IKBIP: variants seen among roughly 807,000 people sequenced by gnomAD.
The protein encoded by IKBIP is IKBKB interacting protein.
Under a neutral mutation model 31.0 loss-of-function variants are expected in IKBIP, and 28 were observed. That is an observed-to-expected ratio of 0.90 (90% CI 0.67 to 1.24). The LOEUF is 1.24. Among genes scored for constraint, IKBIP ranks in the 50% most tolerant of loss-of-function variants. IKBIP has a pLI of 0.00. For missense variants in IKBIP, 453 were observed against 441.9 expected (o/e 1.03, Z -0.23); for synonymous variants, 164 against 160.3 (o/e 1.02, Z -0.17).
intron 2 of IKBIP, among the ~76,000 whole-genome samples, chr12:98,616,048 GTT>G (rs879763091): frequency 2.1e-5 from 3 of 144,110 alleles, no homozygotes; most frequent in African/African-American, 7.6e-5. Context: ...ATTATTCTTA[GTT>G]TTTTTTTTTT....
Position 98,618,359 on chromosome 12 carries a change from G to A in IKBIP, c.298-4019C>T, listed in dbSNP as rs144955193. Among the ~76,000 whole-genome samples, 865 of 152,088 alleles carry A rather than the reference G, an allele frequency of 5.7e-3. 10 individuals are homozygous for A. The highest frequency in any genetic ancestry group is 0.02 in the African/African-American group (830 of 41,502). ...GAAAAAATTGAGGCCAGGCGCGGTG[G>A]CTCACGCCTGTAATCCCAGCACTTT... On this transcript the variant is annotated intron_variant, in intron 2 of 2. Transcript: ENST00000342502.
intron 1 of IKBIP, among the ~76,000 whole-genome samples, chr12:98,637,737 G>A (rs1593000122): frequency 6.7e-6 from 1 of 149,676 alleles, no homozygotes; most frequent in East Asian, 2.0e-4. Flanking sequence ...TTGAGACAGG[G>A]TCTCGCTCTG....
At chr12:98,616,359 T>C (rs2097606301) in intron 2 of IKBIP, among the ~76,000 whole-genome samples, 1 of 152,166 alleles carries the variant, frequency 6.6e-6, no homozygotes, top group African/African-American at 2.4e-5. Context: ...GCTATTGAGT[T>C]GAGTTCCTTA....
rs772934813 is a variant in IKBIP, at chr12:98,625,241, ATACT to A, written c.*685_*688del. ...CCTAAGAAAGGCCTTATGTAAGAAC[ATACT>A]TACTCTGATTTTAAAAGTCTTACAA... is the stretch of plus-strand genomic sequence containing the variant. On this transcript the variant is annotated 3_prime_UTR_variant, in exon 3 of 3. Transcript: ENST00000299157. The A allele has an allele frequency of 6.3e-5, 62 of 977,666 alleles. No homozygotes were observed. The highest frequency in any genetic ancestry group is 7.4e-5 in the Non-Finnish European group (61 of 822,922). The allele number at this position is 977,666 out of a possible 1,614,324, so 60.6% of individuals were successfully genotyped here. A position where few individuals can be genotyped will look rare whatever the true frequency, so the allele number is the denominator to read the frequency against.
chr12:98,643,076 C>T (rs1442175603), intron 1 of IKBIP, among the ~76,000 whole-genome samples: 1 of 152,086 alleles, frequency 6.6e-6, no homozygotes, highest in African/African-American at 2.4e-5. Flanking sequence ...CCTCAGCCTC[C>T]TGAATAGCTG....
chr12:98,644,533 CCAGGCACGTCCCCAGCGACAGCAGGCT>C lies in IKBIP; in HGVS notation c.142_168del (p.Ser48_Leu56del). The C allele has an allele frequency of 6.2e-7, 1 of 1,601,454 alleles. No homozygotes were observed. The highest frequency in any genetic ancestry group is 8.5e-7 in the Non-Finnish European group (1 of 1,175,014). On this transcript the variant is annotated inframe_deletion, in exon 1 of 3. Transcript: ENST00000299157. ...CTCGCGTCCACTTACCAGGCCAGGCCCAGGCACGTCCCCAGCGACAGCAGGCTCAGGCACGTTCGGGGGTCTGCCCAG... is the reference window on the plus strand; with the variant it reads ...CTCGCGTCCACTTACCAGGCCAGGCCCAGGCACGTTCGGGGGTCTGCCCAG...
chr12:98,626,510 G>C lies in IKBIP; in HGVS notation c.554C>G (p.Thr185Ser). The change falls in exon 3 of 3, where the codon ACT becomes AGT. Residue 185 changes from threonine (T) to serine (S), a missense_variant. Thr to Ser is a moderately conservative substitution (Grantham distance 58). Coordinates refer to ENST00000299157, the MANE Select transcript of IKBIP (RefSeq NM_153687.4). ...SEAKHIHSQV[T>S]VQINSAEQEI... Reference sequence around the variant, plus strand: ...CTGCTCAGCTGAGTTAATTTGGACAGTTACTTGAGAATGTATATGTTTTGC... The same window carrying C: ...CTGCTCAGCTGAGTTAATTTGGACACTTACTTGAGAATGTATATGTTTTGC... The C allele has an allele frequency of 6.2e-7, 1 of 1,613,506 alleles. No individual in the cohort carries two copies. The highest frequency in any genetic ancestry group is 8.5e-7 in the Non-Finnish European group (1 of 1,179,990).
At position 98,625,951 on chromosome 12, in the gene IKBIP, T is replaced by C. The variant is rs916833087; in HGVS notation, c.1113A>G (p.Lys371=). The C allele has an allele frequency of 2.2e-5, 31 of 1,395,612 alleles. No homozygotes were observed. Among genetic ancestry groups the C allele is most frequent in the Non-Finnish European group, 2.9e-5 (30 of 1,049,296 alleles). 86.5% of individuals were successfully genotyped at this position (1,395,612 alleles called of 1,614,324 possible). A position where few individuals can be genotyped will look rare whatever the true frequency, so the allele number is the denominator to read the frequency against. Residue 371 remains lysine (K), a synonymous_variant, in exon 3 of 3, where the codon AAA becomes AAG. Coordinates refer to ENST00000299157, the MANE Select transcript of IKBIP (RefSeq NM_153687.4). ...GAATTTAAAAATCACCACCAATTCC[T>C]TTATTTTCTATATTATATTCTTTTA... ...GTLKEYNIEN[K]GIGGDF
intron 2 of IKBIP, 62 bp from the exon 3 acceptor site, chr12:98,626,828 C>T: frequency 7.5e-7 from 1 of 1,329,858 alleles, no homozygotes; most frequent in Non-Finnish European, 1.0e-6. Flanking sequence ...TAGAGAAACA[C>T]ACTTTAACAA....
chr12:98,626,997 C>T lies in IKBIP; in HGVS notation c.298-231G>A, dbSNP rs185826485. Among the ~76,000 whole-genome samples the T allele has an allele frequency of 4.6e-5, 7 of 152,244 alleles. No homozygotes were observed. In the East Asian group the frequency reaches 1.3e-3, roughly 29 times the overall value. The stretch of plus-strand genomic sequence containing the variant: ...TATTTATTTATTTTTTAGACGGAAT[C>T]TCACCCTGTCACCCAGGATGGAGTG... On this transcript the variant is annotated intron_variant, in intron 2 of 2. Coordinates refer to ENST00000299157, the MANE Select transcript of IKBIP (RefSeq NM_153687.4).
Position 98,626,499 on chromosome 12 carries a change from T to G in IKBIP, c.565A>C (p.Asn189His). Reference protein sequence around the residue: ...HIHSQVTVQINSAEQEIKLLT... With the variant: ...HIHSQVTVQIHSAEQEIKLLT... ...AATTTTATTTCCTGCTCAGCTGAGT[T>G]AATTTGGACAGTTACTTGAGAATGT... The change falls in exon 3 of 3, where the codon AAC becomes CAC. Residue 189 changes from asparagine (N) to histidine (H), a missense_variant. Coordinates refer to ENST00000299157, the MANE Select transcript of IKBIP (RefSeq NM_153687.4). The G allele has an allele frequency of 6.2e-7, 1 of 1,613,612 alleles. No homozygotes were observed. The highest frequency in any genetic ancestry group is 8.5e-7 in the Non-Finnish European group (1 of 1,180,010).
At chr12:98,614,144 G>A in exon 3 of IKBIP, 1 of 1,613,330 alleles carries the variant, frequency 6.2e-7, no homozygotes, top group Non-Finnish European at 8.5e-7. Context: ...AACATCTTTT[G>A]CCATGGAAGT....
Position 98,644,754 on chromosome 12 carries a change from C to G in IKBIP, c.-53G>C. 1.9e-6 allele frequency: 3 copies of G among 1,556,700 alleles called. No individual in the cohort carries two copies. Among genetic ancestry groups the G allele is most frequent in the Non-Finnish European group, 8.6e-7 (1 of 1,156,866 alleles). ...AGGGCAGCTTCTTCACCAGGGGGAG[C>G]AGGACGTGGCCGCCTTGGCGTTCGT... On this transcript the variant is annotated 5_prime_UTR_variant, in exon 1 of 3. Transcript: ENST00000299157.
At chr12:98,623,041 G>A (rs1009904311), downstream of IKBIP, among the ~76,000 whole-genome samples, 6 of 150,714 alleles carry the variant, frequency 4.0e-5, no homozygotes, top group South Asian at 2.1e-4. Context: ...GTGCAATGGC[G>A]TGATTTTGGC....
Position 98,624,692 on chromosome 12 carries a change from G to T in IKBIP, c.*1238C>A. 1 of 883,502 alleles carries T rather than the reference G, an allele frequency of 1.1e-6. No individual in the cohort carries two copies. Among genetic ancestry groups the T allele is most frequent in the Non-Finnish European group, 1.4e-6 (1 of 737,162 alleles). 54.7% of individuals were successfully genotyped at this position (883,502 alleles called of 1,614,324 possible). A position where few individuals can be genotyped will look rare whatever the true frequency, so the allele number is the denominator to read the frequency against. On this transcript the variant is annotated 3_prime_UTR_variant, in exon 3 of 3. Coordinates refer to ENST00000299157, the MANE Select transcript of IKBIP (RefSeq NM_153687.4). The stretch of plus-strand genomic sequence containing the variant: ...CAATTCATAAAACAAATTTAGTGGT[G>T]TGGTTTGGGAAATCTTTAAAATGAC...
rs756965747 is a variant in IKBIP, at chr12:98,644,643, G to T, written c.59C>A (p.Pro20His). 1 of 1,611,018 alleles carries T rather than the reference G, an allele frequency of 6.2e-7. No homozygotes were observed. Among genetic ancestry groups the T allele is most frequent in the East Asian group, 2.2e-5 (1 of 44,724 alleles). Residue 20 changes from proline (P) to histidine (H), a missense_variant, in exon 1 of 3, where the codon CCC becomes CAC. By Grantham distance (77) the Pro-to-His change is moderately conservative (BLOSUM62 -2). Transcript: ENST00000299157. ...CTTCCCGCCCTCGCTCCGCTTCCCG[G>T]GCTCCGCAGCAGGGGCTCCCTTGGG... is the stretch of plus-strand genomic sequence containing the variant. ...SGPKGAPAAE[P>H]GKRSEGGKTP...
At position 98,618,979 on chromosome 12, in the gene IKBIP, C is replaced by T. The variant is rs930676340; in HGVS notation, c.298-4639G>A. On this transcript the variant is annotated intron_variant, in intron 2 of 2. Coordinates refer to the IKBIP transcript ENST00000342502. Reference sequence around the variant, plus strand: ...AAATAATTCTAAGTAGCAACCCCCCCACTTCGCCCCATCATAAATGTTTAA... The same window carrying T: ...AAATAATTCTAAGTAGCAACCCCCCTACTTCGCCCCATCATAAATGTTTAA... 2.6e-5 allele frequency among the ~76,000 whole-genome samples: 4 copies of T among 152,198 alleles called. No homozygotes were observed. The East Asian group carries it at 7.7e-4, about 29-fold the overall frequency.
intron 2 of IKBIP, among the ~76,000 whole-genome samples, chr12:98,633,563 C>G (rs1877149401): frequency 8.1e-6 from 1 of 123,962 alleles, no homozygotes; most frequent in Non-Finnish European, 1.6e-5. Flanking sequence ...ATAGCCCAGG[C>G]TACAGTGCAG....
chr12:98,635,490 C>T (rs2097624977), intron 1 of IKBIP, among the ~76,000 whole-genome samples: 1 of 152,200 alleles, frequency 6.6e-6, no homozygotes, highest in Non-Finnish European at 1.5e-5. Context: ...CCCTTGTTCA[C>T]AATTCACAGC....
Sources: allele counts gnomAD v4.1 joint callset (sites outside exome capture counted in the v4.1 genomes callset), GRCh38; gene constraint gnomAD v4.1.1; transcripts MANE v1.5; gene names NCBI Gene and HGNC (gene_info 2026-07-23, HGNC 2026-07-21).